The following ATRNL1 variants were observed in gnomAD, a reference collection of about 807,000 sequenced individuals.
ATRNL1 encodes the protein attractin like 1, also known as attractin-like protein 1.
In ATRNL1, 95 loss-of-function variants were observed where a neutral mutation model predicts 182.7. The ratio of observed to expected loss-of-function variants is 0.52; its 90% CI spans 0.44 to 0.62. ATRNL1 has a LOEUF of 0.62. ATRNL1 is among the 20% of genes least tolerant of loss of function. The pLI is 0.00. For synonymous variants in ATRNL1, 576 were observed against 568.3 expected, an observed-to-expected ratio of 1.01 and a Z score of -0.19; for missense variants, 1,471 against 1,679.5, an observed-to-expected ratio of 0.88 and a Z score of 2.17.
intron 28 of ATRNL1, 73 bp from the exon 29 acceptor site, chr10:115,944,585 G>A: frequency 7.8e-7 from 1 of 1,289,168 alleles, no homozygotes; most frequent in Non-Finnish European, 1.1e-6. Flanking sequence ...AAAAAGCAGG[G>A]CCCTTCACCA....
At position 115,215,690 on chromosome 10, in the gene ATRNL1, G is replaced by A. The variant is rs1554896030; in HGVS notation, c.1349-7G>A. The A allele has an allele frequency of 4.4e-6, 7 of 1,577,248 alleles. No homozygotes were observed. Among genetic ancestry groups the A allele is most frequent in the Non-Finnish European group, 6.0e-6 (7 of 1,167,118 alleles). On this transcript the variant is annotated splice_polypyrimidine_tract_variant and splice_region_variant and intron_variant, in intron 8 of 28. Coordinates refer to ENST00000355044, the MANE Select transcript of ATRNL1 (RefSeq NM_207303.4). ...GAAATTTATAATGTATTTTATTTCT[G>A]TTACAGCATCAAACACTTGGCTTGT...
chr10:115,782,507 CTAAT>C (rs782439265), intron 27 of ATRNL1, among the ~76,000 whole-genome samples: 16 of 152,178 alleles, frequency 1.1e-4, no homozygotes, highest in Non-Finnish European at 1.6e-4. Context: ...CTCACATCAT[CTAAT>C]TGATTATTAG....
intron 20 of ATRNL1, among the ~76,000 whole-genome samples, chr10:115,420,421 G>C (rs1215941497): frequency 2.6e-5 from 4 of 151,796 alleles, no homozygotes. Flanking sequence ...ACCAATAACA[G>C]GAGGAACTTT....
chr10:115,665,114 G>A (rs11197396), intron 26 of ATRNL1, among the ~76,000 whole-genome samples: 1,558 of 152,230 alleles, frequency 0.01, 30 homozygotes, highest in African/African-American at 0.035. Flanking sequence ...TAGTTCAATA[G>A]AAGAGGCAAT....
chr10:115,333,668 G>A (rs1236638953), intron 18 of ATRNL1, among the ~76,000 whole-genome samples: 2 of 151,832 alleles, frequency 1.3e-5, no homozygotes, highest in Non-Finnish European at 2.9e-5. Context: ...TGTATTTTTA[G>A]TAGAGACAGG....
intron 27 of ATRNL1, among the ~76,000 whole-genome samples, chr10:115,728,057 C>A (rs971907435): frequency 1.4e-5 from 2 of 142,704 alleles, no homozygotes; most frequent in Non-Finnish European, 3.0e-5. Flanking sequence ...GGGCAGATCA[C>A]GAGGTCAGGA....
At chr10:115,268,688 A>T (rs1851709100) in intron 13 of ATRNL1, among the ~76,000 whole-genome samples, 1 of 152,224 alleles carries the variant, frequency 6.6e-6, no homozygotes. Context: ...TGAGACTGGG[A>T]ACATTTTTTC....
rs191379338 is a variant in ATRNL1 at position 115,512,218 on chromosome 10, C to T, written c.3655-7045C>T. On this transcript the variant is annotated intron_variant, in intron 24 of 28. Transcript: ENST00000355044. ...ATTTTACAGTCATAAATATCCCATA[C>T]CCTGAGAAGATATACTTTCATAGAA... is the stretch of plus-strand genomic sequence containing the variant. Among the ~76,000 whole-genome samples the T allele has an allele frequency of 3.9e-3, 593 of 151,966 alleles. 4 individuals carry two copies. The highest frequency in any genetic ancestry group is 4.3e-3 in the Non-Finnish European group (294 of 67,852).
chr10:115,929,422 T>C (rs532831854), intron 28 of ATRNL1, among the ~76,000 whole-genome samples: 30 of 152,134 alleles, frequency 2.0e-4, no homozygotes, highest in Non-Finnish European at 3.5e-4. Context: ...CTTATATTTA[T>C]GTCATATTAA....
intron 26 of ATRNL1, among the ~76,000 whole-genome samples, chr10:115,578,586 T>G (rs2133879827): frequency 6.6e-6 from 1 of 151,826 alleles, no homozygotes; most frequent in East Asian, 1.9e-4. Flanking sequence ...AGGTATCCCT[T>G]ATAATGTTTC....
chr10:115,400,226 C>T lies in ATRNL1; in HGVS notation c.3269+5474C>T, dbSNP rs1220150383. Among the ~76,000 whole-genome samples, 5 of 151,992 alleles carry T rather than the reference C, an allele frequency of 3.3e-5. No homozygotes were observed. The East Asian group carries it at 5.8e-4, about 18-fold the overall frequency. ...GAATTAAAACTGGACCTCTTCCTTA[C>T]ACTGTTAATGCAAAAATTAACTCAA... is the stretch of plus-strand genomic sequence containing the variant. On this transcript the variant is annotated intron_variant, in intron 20 of 28. Transcript: ENST00000355044.
chr10:115,121,663 ATTTTAAT>A (rs781984889), intron 2 of ATRNL1, 29 bp from the exon 3 acceptor site: 27 of 963,286 alleles, frequency 2.8e-5, no homozygotes, highest in Non-Finnish European at 4.0e-5. Context: ...TGCTTTGTAT[ATTTTAAT>A]TTGAAAAATA....
At chr10:115,188,642 C>T (rs1422156183) in intron 8 of ATRNL1, among the ~76,000 whole-genome samples, 1 of 151,744 alleles carries the variant, frequency 6.6e-6, no homozygotes, top group Non-Finnish European at 1.5e-5. Context: ...AACTTTTTTC[C>T]TTTTGATCTA....
intron 21 of ATRNL1, among the ~76,000 whole-genome samples, chr10:115,427,228 G>C (rs1165353451): frequency 6.6e-6 from 1 of 152,116 alleles, no homozygotes; most frequent in Non-Finnish European, 1.5e-5. Context: ...TACTAATGAT[G>C]TTCAGCATCT....
chr10:115,516,572 C>T (rs1850650268), intron 24 of ATRNL1, among the ~76,000 whole-genome samples: 1 of 151,840 alleles, frequency 6.6e-6, no homozygotes, highest in Admixed American at 6.6e-5. Flanking sequence ...TCCCATAGCT[C>T]AAAACTTTCC....
At chr10:115,656,617 G>A (rs764270372) in intron 26 of ATRNL1, among the ~76,000 whole-genome samples, 2 of 152,096 alleles carry the variant, frequency 1.3e-5, no homozygotes, top group Non-Finnish European at 2.9e-5. Flanking sequence ...AAGTTGGTTC[G>A]AATATGAATG....
intron 26 of ATRNL1, among the ~76,000 whole-genome samples, chr10:115,685,317 T>C (rs1489545615): frequency 2.6e-5 from 4 of 151,924 alleles, no homozygotes; most frequent in Middle Eastern, 3.4e-3. Context: ...TGCCATGTAC[T>C]ACTTGTATGA....
At chr10:115,923,153 T>G (rs1481268968) in intron 28 of ATRNL1, among the ~76,000 whole-genome samples, 1 of 152,158 alleles carries the variant, frequency 6.6e-6, no homozygotes, top group Non-Finnish European at 1.5e-5. Context: ...TCTAATGAGG[T>G]GGTCTCCTGA....
At chr10:115,124,852 A>G (rs1476920761) in intron 3 of ATRNL1, among the ~76,000 whole-genome samples, 1 of 152,176 alleles carries the variant, frequency 6.6e-6, no homozygotes, top group Non-Finnish European at 1.5e-5. Context: ...ATTCTTTAGT[A>G]TGCAGTAGTC....
Sources: gnomAD v4.1 joint callset for allele counts (sites outside exome capture counted in the v4.1 genomes callset) on GRCh38, gnomAD v4.1.1 for gene constraint, MANE v1.5 for transcripts, NCBI Gene and HGNC (gene_info 2026-07-23, HGNC 2026-07-21) for gene names.